BFSP1: variants seen among roughly 807,000 people sequenced by gnomAD.
The protein encoded by BFSP1 is beaded filament structural protein 1, also known as filensin.
BFSP1 carries 38 observed loss-of-function variants against 43.9 expected under a neutral mutation model. The ratio of observed to expected loss-of-function variants is 0.87; its 90% CI spans 0.67 to 1.14. BFSP1 has a LOEUF of 1.14. BFSP1 is among the 50% of genes most tolerant of loss of function. The pLI, the probability that BFSP1 is intolerant of heterozygous loss-of-function variation, is 0.00. For synonymous variants in BFSP1, 352 were observed against 354.8 expected (o/e 0.99, Z 0.09); for missense variants, 850 against 875.1 (o/e 0.97, Z 0.36).
chr20:17,562,187 T>G (rs535991219), upstream of BFSP1, among the ~76,000 whole-genome samples: 10 of 151,730 alleles, frequency 6.6e-5, no homozygotes, highest in South Asian at 2.1e-3. Context: ...CCCAAAGTGC[T>G]GGGATTAGAG....
At position 17,531,214 on chromosome 20, in the gene BFSP1, G is replaced by T. The variant is rs761174568; in HGVS notation, c.116C>A (p.Thr39Lys). 45 of 1,330,216 alleles carry T rather than the reference G, an allele frequency of 3.4e-5. 1 individual carries two copies. The Admixed American group carries it at 5.8e-4, about 17-fold the overall frequency. 82.4% of individuals were successfully genotyped at this position (1,330,216 alleles called of 1,614,324 possible). Residue 39 changes from threonine (T) to lysine (K), a missense_variant, in exon 1 of 8, where the codon ACG (threonine) becomes AAG (lysine). Physicochemically the swap from Thr to Lys is moderately conservative, Grantham distance 78. Coordinates refer to ENST00000377873, the MANE Select transcript of BFSP1 (RefSeq NM_001195.5). ...GAGCCCCTGCAGCGCCGCCAGGCTC[G>T]TTGCCCCAGCCCAGCCCTCGTCGGC... ...RPADEGWAGA[T>K]SLAALQGLGE... is the part of the protein sequence containing the mutation.
At chr20:17,543,413 A>G (rs201929) in intron 1 of BFSP1, among the ~76,000 whole-genome samples, 29,941 of 152,204 alleles carry the variant, frequency 0.2, 3,207 homozygotes, top group Non-Finnish European at 0.23. Flanking sequence ...TTGTTATTAG[A>G]GCATAAATGG....
chr20:17,568,244 G>C (rs1288341294), intron 1 of BFSP1, among the ~76,000 whole-genome samples: 2 of 152,140 alleles, frequency 1.3e-5, no homozygotes, highest in East Asian at 3.9e-4. Context: ...TTTTAAGCAA[G>C]AATGTAACAA....
At chr20:17,562,023 C>T (rs1051216023), upstream of BFSP1, among the ~76,000 whole-genome samples, 14 of 151,936 alleles carry the variant, frequency 9.2e-5, no homozygotes, top group African/African-American at 3.1e-4. Context: ...TGGGTTCATG[C>T]GATTATCCTG....
chr20:17,553,794 T>C lies in BFSP1; in HGVS notation c.2+4894A>G, dbSNP rs1362073552. On this transcript the variant is annotated intron_variant, in intron 1 of 7. Transcript: ENST00000377868. ...ATATAAACATATATATATATATATA[T>C]ACACACACACACACACACACACACA... Among the ~76,000 whole-genome samples the C allele has an allele frequency of 5.3e-4, 56 of 105,014 alleles. 3 individuals are homozygous for C. The highest frequency in any genetic ancestry group is 9.5e-4 in the Non-Finnish European group (51 of 53,818). The allele number at this position is 105,014 out of a possible 152,430, so 68.9% of individuals were successfully genotyped here.
upstream of BFSP1, among the ~76,000 whole-genome samples, chr20:17,559,150 C>T (rs920344846): frequency 6.6e-6 from 1 of 152,072 alleles, no homozygotes; most frequent in Non-Finnish European, 1.5e-5. Flanking sequence ...CAATCAGCTC[C>T]CTTTGCCCAG....
chr20:17,514,623 C>T, intron 3 of BFSP1, 98 bp downstream of exon 3: 1 of 1,193,420 alleles, frequency 8.4e-7, no homozygotes. Flanking sequence ...AAAGGTATGC[C>T]ACTCTAGCAG....
At chr20:17,558,721 A>G (rs2035035729) in exon 1 of BFSP1, 1 of 1,551,806 alleles carries the variant, frequency 6.4e-7, no homozygotes, top group Admixed American at 2.0e-5. Context: ...CCTTCTGTGA[A>G]ATTTGAAAAT....
chr20:17,497,190 G>C (rs988581518), intron 6 of BFSP1, among the ~76,000 whole-genome samples, 167 bp from the exon 7 acceptor site: 1 of 152,116 alleles, frequency 6.6e-6, no homozygotes, highest in Non-Finnish European at 1.5e-5. Flanking sequence ...TACTGGATGA[G>C]GACATAAAGG....
rs752026469 is a variant in BFSP1 at position 17,524,842 on chromosome 20, G to A, written c.438+6C>T. 1.9e-6 allele frequency: 3 copies of A among 1,613,560 alleles called. No homozygotes were observed. The highest frequency in any genetic ancestry group is 1.1e-5 in the South Asian group (1 of 91,078). On this transcript the variant is annotated splice_donor_region_variant and intron_variant, in intron 2 of 7. Coordinates refer to ENST00000377873, the MANE Select transcript of BFSP1 (RefSeq NM_001195.5). Reference sequence around the variant, plus strand: ...CTACGTAAACCCAAGGATGTGTTCCGCTCACCTTGTTAAGCCGTTCAAGCA... The same window carrying A: ...CTACGTAAACCCAAGGATGTGTTCCACTCACCTTGTTAAGCCGTTCAAGCA...
chr20:17,548,792 G>A (rs2034848586), intron 1 of BFSP1, among the ~76,000 whole-genome samples: 1 of 151,738 alleles, frequency 6.6e-6, no homozygotes, highest in Non-Finnish European at 1.5e-5. Flanking sequence ...TTTGGTGGTG[G>A]TAGTTTTGTT....
chr20:17,535,514 A>G (rs779190455), upstream of BFSP1, among the ~76,000 whole-genome samples: 1 of 152,226 alleles, frequency 6.6e-6, no homozygotes, highest in African/African-American at 2.4e-5. Context: ...CTGGCAACAG[A>G]GCGAGACTTC....
At chr20:17,518,028 C>T (rs1390919802) in intron 2 of BFSP1, among the ~76,000 whole-genome samples, 1 of 152,182 alleles carries the variant, frequency 6.6e-6, no homozygotes, top group Admixed American at 6.5e-5. Context: ...ACTCTCCTGC[C>T]TACTCTCTCC....
In BFSP1 at chr20:17,494,386, A is replaced by T; in HGVS notation, c.1686T>A (p.Gly562=). The T allele has an allele frequency of 6.2e-7, 1 of 1,613,838 alleles. No homozygotes were observed. Among genetic ancestry groups the T allele is most frequent in the Non-Finnish European group, 8.5e-7 (1 of 1,179,966 alleles). ...ELEGPEEKRE[G]EERDEESRRP... is the part of the protein sequence containing the mutation. Reference sequence around the variant, plus strand: ...TCCTGGACTCTTCGTCCCGCTCCTCACCCTCACGTTTCTCTTCAGGGCCTT... The same window carrying T: ...TCCTGGACTCTTCGTCCCGCTCCTCTCCCTCACGTTTCTCTTCAGGGCCTT... Residue 562 remains glycine (G), a synonymous_variant, in exon 8 of 8, where the codon GGT becomes GGA. Coordinates refer to ENST00000377873, the MANE Select transcript of BFSP1 (RefSeq NM_001195.5).
At chr20:17,543,931 G>C (rs1443337505) in intron 1 of BFSP1, among the ~76,000 whole-genome samples, 1 of 152,212 alleles carries the variant, frequency 6.6e-6, no homozygotes, top group African/African-American at 2.4e-5. Context: ...GAGTTGTTGT[G>C]AGACTTAAAT....
At position 17,529,107 on chromosome 20, in the gene BFSP1, C is replaced by G. The variant is rs2034481450; in HGVS notation, c.377+1846G>C. 2.2e-5 allele frequency among the ~76,000 whole-genome samples: 3 copies of G among 138,416 alleles called. No individual in the cohort carries two copies. In the South Asian group the frequency reaches 6.5e-4, roughly 30 times the overall value. 90.8% of individuals were successfully genotyped at this position (138,416 alleles called of 152,430 possible). On this transcript the variant is annotated intron_variant, in intron 1 of 7. Coordinates refer to ENST00000377873, the MANE Select transcript of BFSP1 (RefSeq NM_001195.5). ...TGTGTGTGTGAGACAGAGTCTCACTCTGTCACCCAGGCTGGAGTGCAGTGG... is the reference window on the plus strand; with the variant it reads ...TGTGTGTGTGAGACAGAGTCTCACTGTGTCACCCAGGCTGGAGTGCAGTGG...
At chr20:17,545,877 A>G (rs915901669) in intron 1 of BFSP1, among the ~76,000 whole-genome samples, 2 of 152,252 alleles carry the variant, frequency 1.3e-5, no homozygotes, top group Non-Finnish European at 2.9e-5. Context: ...TAGTCTTTAC[A>G]TAGACAAGAC....
chr20:17,522,364 G>A (rs756635825), intron 2 of BFSP1, among the ~76,000 whole-genome samples: 9 of 152,098 alleles, frequency 5.9e-5, no homozygotes, highest in East Asian at 1.9e-4. Context: ...CAATAACCAC[G>A]GGCTGTTCTG....
At chr20:17,510,976 C>CTTGT (rs145127276) in intron 4 of BFSP1, among the ~76,000 whole-genome samples, 32 of 151,906 alleles carry the variant, frequency 2.1e-4, no homozygotes, top group Non-Finnish European at 2.4e-4. Flanking sequence ...TTTTTTGCTT[C>CTTGT]TTGTTTGTTT....
Sources: allele counts gnomAD v4.1 joint callset (sites outside exome capture counted in the v4.1 genomes callset), GRCh38; gene constraint gnomAD v4.1.1; transcripts MANE v1.5; gene names NCBI Gene and HGNC (gene_info 2026-07-23, HGNC 2026-07-21).